Variants in ANO3 observed in about 807,000 individuals in gnomAD.
The protein encoded by ANO3 is anoctamin-3.
A neutral mutation model predicts 144.8 loss-of-function variants in ANO3; 99 were observed. The ratio of observed to expected loss-of-function variants is 0.68; its 90% confidence interval spans 0.58 to 0.81. ANO3 has a LOEUF of 0.81. Among genes scored for constraint, ANO3 ranks in the 30% least tolerant of loss-of-function variants. The pLI is 0.00. For missense variants in ANO3, 905 were observed against 1,202.2 expected, an observed-to-expected ratio of 0.75 and a Z score of 3.66; for synonymous variants, 414 against 392.6, an observed-to-expected ratio of 1.05 and a Z score of -0.64.
chr11:26,547,759 G>C (rs1849825553), intron 12 of ANO3, among the ~76,000 whole-genome samples: 1 of 151,622 alleles, frequency 6.6e-6, no homozygotes, highest in Admixed American at 6.6e-5. Context: ...AAACTATCTT[G>C]AGTAATTTCT....
chr11:26,487,129 C>T (rs530127620), intron 4 of ANO3, among the ~76,000 whole-genome samples: 78 of 152,270 alleles, frequency 5.1e-4, no homozygotes, highest in African/African-American at 1.8e-3. Flanking sequence ...GTGTCCTCAC[C>T]CAAATCCCAA....
chr11:26,357,509 T>A (rs911731627), intron 1 of ANO3, among the ~76,000 whole-genome samples: 2 of 152,062 alleles, frequency 1.3e-5, no homozygotes, highest in African/African-American at 4.8e-5. Context: ...TCATAATGTA[T>A]CTTTTCAATT....
intron 7 of ANO3, among the ~76,000 whole-genome samples, chr11:26,525,946 TATG>T (rs1308455162): frequency 6.6e-6 from 1 of 152,124 alleles, no homozygotes; most frequent in Admixed American, 6.6e-5. Flanking sequence ...GTTCACATGT[TATG>T]ATATTTTAAT....
chr11:26,418,714 G>A (rs79248207), intron 1 of ANO3, among the ~76,000 whole-genome samples: 2,292 of 151,210 alleles, frequency 0.015, 39 homozygotes, highest in African/African-American at 0.04. Context: ...GCGCGCGCGC[G>A]CACACACACA....
At chr11:26,205,291 T>C (rs1851775410) in intron 1 of ANO3, among the ~76,000 whole-genome samples, 1 of 152,186 alleles carries the variant, frequency 6.6e-6, no homozygotes, top group Admixed American at 6.6e-5. Context: ...AAAATCCTCA[T>C]TTGCATCCTG....
At chr11:26,507,392 G>A (rs1031938384) in intron 4 of ANO3, among the ~76,000 whole-genome samples, 1 of 152,174 alleles carries the variant, frequency 6.6e-6, no homozygotes, top group African/African-American at 2.4e-5. Flanking sequence ...TTAGGTTGGT[G>A]GATACAACAG....
intron 9 of ANO3, among the ~76,000 whole-genome samples, chr11:26,535,438 T>C (rs1474172391): frequency 6.6e-6 from 1 of 152,010 alleles, no homozygotes; most frequent in African/African-American, 2.4e-5. Flanking sequence ...CTTGAAGGGA[T>C]CAAATGTTAG....
chr11:26,219,196 C>G lies in ANO3; in HGVS notation c.154+29866C>G, dbSNP rs371898203. The stretch of plus-strand genomic sequence containing the variant: ...GTATTGCCAGATATCTTGTAGTGGA[C>G]AAAATTGCCCTGGGTTGAGAACTGC... On this transcript the variant is annotated intron_variant, in intron 1 of 27. Transcript: ENST00000672621. 7.2e-5 allele frequency among the ~76,000 whole-genome samples: 11 copies of G among 152,220 alleles called. No homozygotes were observed. The South Asian group carries it at 1.9e-3, about 26-fold the overall frequency.
intron 1 of ANO3, among the ~76,000 whole-genome samples, chr11:26,356,099 C>G (rs1855775680): frequency 6.6e-6 from 1 of 151,768 alleles, no homozygotes; most frequent in Non-Finnish European, 1.5e-5. Context: ...TTATGATATT[C>G]TCTCATTTTT....
At chr11:26,559,574 A>G in intron 13 of ANO3, 145 bp from the exon 14 acceptor site, 1 of 617,620 alleles carries the variant, frequency 1.6e-6, no homozygotes, top group Non-Finnish European at 2.9e-6. Flanking sequence ...AAGACCCATG[A>G]AAGGAATTCA....
At position 26,525,495 on chromosome 11, in the gene ANO3, G is replaced by C. The variant is rs1301733345; in HGVS notation, c.693-140G>C. ...GGTTGATATTCCTCATAGTATGCTG[G>C]GTTATTTCAAACATCTTAAGTTTCT... On this transcript the variant is annotated intron_variant, in intron 6 of 26. Transcript: ENST00000256737. The C allele has an allele frequency of 6.1e-6, 4 of 656,664 alleles. No homozygotes were observed. The Admixed American group carries it at 1.3e-4, about 21-fold the overall frequency. The allele number at this position is 656,664 out of a possible 1,614,324, so 40.7% of individuals were successfully genotyped here.
intron 24 of ANO3, among the ~76,000 whole-genome samples, chr11:26,649,050 C>T (rs1853439408): frequency 6.6e-6 from 1 of 152,026 alleles, no homozygotes; most frequent in Admixed American, 6.6e-5. Context: ...TAACTTGAAG[C>T]CGGACATTTT....
chr11:26,215,090 C>A (rs143467781), intron 1 of ANO3, among the ~76,000 whole-genome samples: 1,670 of 152,004 alleles, frequency 0.011, 26 homozygotes, highest in African/African-American at 0.038. Context: ...TTAATCTTAA[C>A]CACCTGAATG....
chr11:26,473,515 T>G (rs1000345544), intron 4 of ANO3, among the ~76,000 whole-genome samples: 3 of 151,776 alleles, frequency 2.0e-5, no homozygotes, highest in Non-Finnish European at 4.4e-5. Context: ...AACAAGAAAA[T>G]GAGGCAATTT....
chr11:26,418,707 C>G (rs191635550), intron 1 of ANO3, among the ~76,000 whole-genome samples: 7 of 151,618 alleles, frequency 4.6e-5, no homozygotes, highest in African/African-American at 1.7e-4. Context: ...CAAACAAGCG[C>G]GCGCGCGCAC....
intron 1 of ANO3, among the ~76,000 whole-genome samples, chr11:26,408,058 A>G (rs888407944): frequency 4.6e-5 from 7 of 151,980 alleles, no homozygotes; most frequent in South Asian, 2.1e-4. Context: ...CAGGACATAG[A>G]CATGGGCAAG....
chr11:26,200,711 G>A (rs1287027110), intron 1 of ANO3, among the ~76,000 whole-genome samples: 2 of 152,116 alleles, frequency 1.3e-5, no homozygotes, highest in Non-Finnish European at 2.9e-5. Flanking sequence ...ATATCTTGGG[G>A]TTAGCAAAAG....
rs531639939 is a variant in ANO3, at chr11:26,561,189, A to G, written c.1447+1410A>G. ...GTAGTAGCTAGAATTCCCAAAACTC[A>G]CATCATAAGGTTCCGGTGCATTGTC... On this transcript the variant is annotated intron_variant, in intron 14 of 26. Transcript: ENST00000256737. 3.7e-6 allele frequency: 6 copies of G among 1,612,294 alleles called. No homozygotes were observed. In the African/African-American group the frequency reaches 4.0e-5, roughly 11 times the overall value.
At chr11:26,223,213 T>C (rs568474899) in intron 1 of ANO3, among the ~76,000 whole-genome samples, 45 of 152,296 alleles carry the variant, frequency 3.0e-4, no homozygotes, top group African/African-American at 1.1e-3. Flanking sequence ...CTTAAAAATT[T>C]ATTCTGCCAG....
Sources: gnomAD v4.1 joint callset for allele counts (sites outside exome capture counted in the v4.1 genomes callset) on GRCh38, gnomAD v4.1.1 for gene constraint, MANE v1.5 for transcripts, NCBI Gene and HGNC (gene_info 2026-07-23, HGNC 2026-07-21) for gene names.